The following STX8 variants were observed in gnomAD, a reference collection of about 807,000 sequenced individuals.
STX8 encodes syntaxin 8.
In STX8, 23 loss-of-function variants were observed where a neutral mutation model predicts 37.5. The observed-to-expected ratio is 0.61, with a 90% CI of 0.44 to 0.87. STX8 has a LOEUF of 0.87. Ranked by LOEUF, STX8 falls within the 40% of genes least tolerant of loss-of-function variation. The pLI is 0.00. For missense variants in STX8, 313 were observed against 284.7 expected (o/e 1.10, Z -0.71); for synonymous variants, 115 against 99.1 (o/e 1.16, Z -0.95).
intron 6 of STX8, among the ~76,000 whole-genome samples, chr17:9,396,799 C>A (rs141032522): frequency 6.6e-6 from 1 of 150,762 alleles, no homozygotes; most frequent in East Asian, 1.9e-4. Flanking sequence ...CTGTACAGCA[C>A]AAGGAGTGAA....
In STX8 at chr17:9,461,732, G is replaced by A. The variant is rs528989107; in HGVS notation, c.541+30097C>T. On this transcript the variant is annotated intron_variant, in intron 6 of 7. Coordinates refer to ENST00000306357, the MANE Select transcript of STX8 (RefSeq NM_004853.3). The stretch of plus-strand genomic sequence containing the variant: ...GATTCAAGCATATTACATTTATCGC[G>A]CACTTTATTTCTATTATTATTATTA... 8.9e-4 allele frequency among the ~76,000 whole-genome samples: 135 copies of A among 152,044 alleles called. 1 individual carries two copies. In the South Asian group the frequency reaches 9.2e-3, roughly 10 times the overall value.
At chr17:9,428,719 T>G (rs565239306) in intron 6 of STX8, among the ~76,000 whole-genome samples, 50 of 152,340 alleles carry the variant, frequency 3.3e-4, no homozygotes, top group African/African-American at 1.2e-3. Flanking sequence ...CATTTCAGTA[T>G]GTAATCAATA....
intron 7 of STX8, among the ~76,000 whole-genome samples, chr17:9,334,429 G>A (rs1430427405): frequency 6.6e-6 from 1 of 152,126 alleles, no homozygotes; most frequent in Non-Finnish European, 1.5e-5. Flanking sequence ...TATAAACTAA[G>A]TTTCTCCCAA....
Position 9,545,262 on chromosome 17 carries a change from C to G in STX8, c.233G>C (p.Arg78Pro). The change falls in exon 4 of 8, where the codon CGA (arginine) becomes CCA (proline). Residue 78 changes from arginine (R) to proline (P), a missense_variant. Physicochemically the swap from Arg to Pro is moderately radical, Grantham distance 103. Transcript: ENST00000306357. ...AAGATCATCCAAGAGGTTCTGTCTTCGGTCCCCTTCAAGCTGTGTTCTGCA... is the reference window on the plus strand; with the variant it reads ...AAGATCATCCAAGAGGTTCTGTCTTGGGTCCCCTTCAAGCTGTGTTCTGCA... ...THQITQLEGD[R>P]RQNLLDDLVT... The G allele has an allele frequency of 6.2e-7, 1 of 1,614,000 alleles. No individual in the cohort carries two copies. The highest frequency in any genetic ancestry group is 1.3e-5 in the African/African-American group (1 of 75,050).
intron 4 of STX8, among the ~76,000 whole-genome samples, chr17:9,521,135 A>G (rs1019999027): frequency 7.2e-5 from 11 of 152,246 alleles, no homozygotes; most frequent in Non-Finnish European, 1.6e-4. Context: ...TCTTTGACAG[A>G]AATTCTTTAG....
At chr17:9,264,587 G>A (rs1239212350) in intron 7 of STX8, among the ~76,000 whole-genome samples, 2 of 152,290 alleles carry the variant, frequency 1.3e-5, no homozygotes, top group South Asian at 4.1e-4. Context: ...TTACAGGCAT[G>A]AGCCACTGCA....
chr17:9,301,692 C>T (rs1908794633), intron 7 of STX8, among the ~76,000 whole-genome samples: 1 of 151,446 alleles, frequency 6.6e-6, no homozygotes, highest in East Asian at 1.9e-4. Context: ...CGGGGTTTCA[C>T]CGTGGTAGCC....
At chr17:9,339,904 A>T (rs1942616416) in intron 7 of STX8, among the ~76,000 whole-genome samples, 1 of 152,246 alleles carries the variant, frequency 6.6e-6, no homozygotes, top group South Asian at 2.1e-4. Flanking sequence ...TAAGTTGGTC[A>T]TTTAGGAGCT....
At chr17:9,368,370 G>T (rs947794890) in intron 7 of STX8, among the ~76,000 whole-genome samples, 13 of 152,100 alleles carry the variant, frequency 8.5e-5, no homozygotes, top group African/African-American at 2.9e-4. Flanking sequence ...CAGGCCTGGT[G>T]GGGGGTGCCT....
intron 6 of STX8, among the ~76,000 whole-genome samples, chr17:9,447,717 C>A (rs528753793): frequency 8.5e-4 from 130 of 152,156 alleles, no homozygotes; most frequent in Non-Finnish European, 1.5e-3. Flanking sequence ...GCCACCACAC[C>A]CGGCCTTGAG....
At chr17:9,496,276 A>G (rs1904399887) in intron 5 of STX8, among the ~76,000 whole-genome samples, 4 of 152,102 alleles carry the variant, frequency 2.6e-5, no homozygotes, top group African/African-American at 9.7e-5. Flanking sequence ...AGGTTTTGCC[A>G]TGTTGGCCAG....
At chr17:9,396,143 T>G (rs975167257) in intron 6 of STX8, among the ~76,000 whole-genome samples, 1 of 152,210 alleles carries the variant, frequency 6.6e-6, no homozygotes, top group African/African-American at 2.4e-5. Flanking sequence ...TTTAGAAGAC[T>G]GGAATCCTGA....
At chr17:9,470,805 C>A (rs1052736942) in intron 6 of STX8, among the ~76,000 whole-genome samples, 1 of 152,046 alleles carries the variant, frequency 6.6e-6, no homozygotes, top group Non-Finnish European at 1.5e-5. Flanking sequence ...CGGCTCACTG[C>A]AAGCTCCGCC....
rs34987749 is a variant in STX8, at chr17:9,339,070, CAAAA to C, written c.643+39478_643+39481del. Among the ~76,000 whole-genome samples the C allele has an allele frequency of 1.5e-3, 103 of 70,010 alleles. 2 individuals carry two copies. Among genetic ancestry groups the C allele is most frequent in the African/African-American group, 6.2e-3 (96 of 15,510 alleles). 45.9% of individuals were successfully genotyped at this position (70,010 alleles called of 152,430 possible). A position where few individuals can be genotyped will look rare whatever the true frequency, so the allele number is the denominator to read the frequency against. ...TGGTTGACAAAGCGAGACTCCGTCT[CAAAA>C]AAAAAAAAAAAAAAAAATTCCAGGT... On this transcript the variant is annotated intron_variant, in intron 7 of 7. Transcript: ENST00000306357.
Position 9,460,673 on chromosome 17 carries a change from C to CAAAAA in STX8, c.541+31151_541+31155dup, listed in dbSNP as rs751553222. On this transcript the variant is annotated intron_variant, in intron 6 of 7. Coordinates refer to ENST00000306357, the MANE Select transcript of STX8 (RefSeq NM_004853.3). The stretch of plus-strand genomic sequence containing the variant: ...GGGAGACAAGAGTGAGACTCTGTCT[C>CAAAAA]AAAAAAAAAAAAAAACAAAACAAAA... Among the ~76,000 whole-genome samples the CAAAAA allele has an allele frequency of 1.8e-4, 17 of 96,660 alleles. 1 individual carries two copies. The highest frequency in any genetic ancestry group is 5.9e-4 in the African/African-American group (14 of 23,742). The allele number at this position is 96,660 out of a possible 152,430, so 63.4% of individuals were successfully genotyped here. A position where few individuals can be genotyped will look rare whatever the true frequency, so the allele number is the denominator to read the frequency against.
intron 7 of STX8, among the ~76,000 whole-genome samples, chr17:9,337,791 C>G (rs962480665): frequency 6.6e-6 from 1 of 152,142 alleles, no homozygotes; most frequent in Non-Finnish European, 1.5e-5. Flanking sequence ...GAAAAGAGGG[C>G]AGGTATTCTG....
chr17:9,373,536 G>A (rs1187027916), intron 7 of STX8, among the ~76,000 whole-genome samples: 5 of 152,142 alleles, frequency 3.3e-5, no homozygotes, highest in South Asian at 2.1e-4. Context: ...CTTACAATAG[G>A]TACCTAGAAT....
chr17:9,503,047 G>A lies in STX8; in HGVS notation c.448+1991C>T, dbSNP rs1370556334. On this transcript the variant is annotated intron_variant, in intron 5 of 7. Coordinates refer to ENST00000306357, the MANE Select transcript of STX8 (RefSeq NM_004853.3). Reference sequence around the variant, plus strand: ...CTTGAACCCAGGAGGTGGAGGTTGTGGTGAGCTGAGATCGTACCACTGCAC... The same window carrying A: ...CTTGAACCCAGGAGGTGGAGGTTGTAGTGAGCTGAGATCGTACCACTGCAC... Among the ~76,000 whole-genome samples, 5 of 141,970 alleles carry A rather than the reference G, an allele frequency of 3.5e-5. No homozygotes were observed. In the East Asian group the frequency reaches 1.1e-3, roughly 31 times the overall value. The allele number at this position is 141,970 out of a possible 152,430, so 93.1% of individuals were successfully genotyped here.
intron 7 of STX8, among the ~76,000 whole-genome samples, chr17:9,368,871 C>T (rs986313230): frequency 2.6e-5 from 4 of 152,004 alleles, no homozygotes; most frequent in African/African-American, 9.7e-5. Context: ...TAGTGATTTA[C>T]AGCATGTGTC....
Sources: allele counts gnomAD v4.1 joint callset (sites outside exome capture counted in the v4.1 genomes callset), GRCh38; gene constraint gnomAD v4.1.1; transcripts MANE v1.5; gene names NCBI Gene and HGNC (gene_info 2026-07-23, HGNC 2026-07-21).